The following DLG2 variants were observed in gnomAD, a reference collection of about 807,000 sequenced individuals.
DLG2 encodes discs large MAGUK scaffold protein 2, also known as disks large homolog 2.
DLG2 carries 45 observed loss-of-function variants against 132.5 expected under a neutral mutation model. The ratio of observed to expected loss-of-function variants is 0.34; its 90% CI spans 0.27 to 0.44. DLG2 has a LOEUF of 0.44. DLG2 is among the 20% of genes least tolerant of loss of function. DLG2 has a pLI of 1.00. For synonymous variants in DLG2, 424 were observed against 419.6 expected (o/e 1.01, Z -0.13); for missense variants, 1,045 against 1,196.9 (o/e 0.87, Z 1.87).
intron 4 of DLG2, among the ~76,000 whole-genome samples, chr11:85,158,457 G>A (rs2077758389): frequency 1.3e-5 from 2 of 152,190 alleles, no homozygotes; most frequent in Admixed American, 1.3e-4. Context: ...GGATGGTGGA[G>A]TGGATTAGTC....
chr11:84,028,302 G>T lies in DLG2; in HGVS notation c.919+31013C>A, dbSNP rs914108334. ...GTCCTTCATGTGATCTCATATTCATGAATTAATAATCCTCTCAAAGTTATG... is the reference window on the plus strand; with the variant it reads ...GTCCTTCATGTGATCTCATATTCATTAATTAATAATCCTCTCAAAGTTATG... On this transcript the variant is annotated intron_variant, in intron 11 of 27. Coordinates refer to ENST00000376104, the MANE Select transcript of DLG2 (RefSeq NM_001142699.3). 8.6e-5 allele frequency among the ~76,000 whole-genome samples: 13 copies of T among 151,988 alleles called. 1 individual carries two copies. Among genetic ancestry groups the T allele is most frequent in the Admixed American group, 7.9e-4 (12 of 15,216 alleles).
At chr11:83,645,352 GTTGAAGCAATTTATACACTTTAACAA>G (rs1016929089) in intron 18 of DLG2, among the ~76,000 whole-genome samples, 7 of 152,236 alleles carry the variant, frequency 4.6e-5, no homozygotes, top group South Asian at 2.1e-4. Context: ...ATCTTTAACA[GTTGAAGCAATTTATACACTTTAACAA>G]TTGAAGCAAT....
intron 7 of DLG2, among the ~76,000 whole-genome samples, chr11:84,418,098 C>T (rs548958170): frequency 7.4e-4 from 113 of 152,202 alleles, no homozygotes; most frequent in South Asian, 1.7e-3. Context: ...CCATTTAGAG[C>T]GTAGTGATTG....
chr11:85,343,687 C>T (rs976559707), intron 3 of DLG2, among the ~76,000 whole-genome samples: 1 of 152,034 alleles, frequency 6.6e-6, no homozygotes. Flanking sequence ...CACATATACA[C>T]ACTAGAACAT....
chr11:85,434,288 C>A (rs959985748), intron 3 of DLG2, among the ~76,000 whole-genome samples: 4 of 151,452 alleles, frequency 2.6e-5, no homozygotes, highest in Admixed American at 2.0e-4. Context: ...CAAACAAATT[C>A]GAAAGCTAGC....
intron 6 of DLG2, among the ~76,000 whole-genome samples, chr11:84,603,786 A>G (rs1461733790): frequency 6.6e-6 from 1 of 151,976 alleles, no homozygotes; most frequent in Non-Finnish European, 1.5e-5. Context: ...AACACCTACT[A>G]TCTGCCAGAC....
intron 6 of DLG2, among the ~76,000 whole-genome samples, chr11:84,947,235 G>T (rs2050332105): frequency 6.6e-6 from 1 of 152,126 alleles, no homozygotes; most frequent in Non-Finnish European, 1.5e-5. Flanking sequence ...ATTCTTGTGT[G>T]GATAGTTGGT....
At chr11:84,282,834 A>G (rs908799180) in intron 7 of DLG2, among the ~76,000 whole-genome samples, 4 of 152,156 alleles carry the variant, frequency 2.6e-5, no homozygotes, top group South Asian at 2.1e-4. Flanking sequence ...ACATGCTTCA[A>G]TGACTCAATT....
intron 7 of DLG2, among the ~76,000 whole-genome samples, chr11:84,455,050 A>G (rs2099061740): frequency 6.6e-6 from 1 of 151,496 alleles, no homozygotes; most frequent in Non-Finnish European, 1.5e-5. Flanking sequence ...AAAAAGGTGG[A>G]ATAAAAAATG....
chr11:85,432,178 C>A (rs572755636), intron 3 of DLG2, among the ~76,000 whole-genome samples: 8 of 152,322 alleles, frequency 5.3e-5, no homozygotes, highest in Admixed American at 4.6e-4. Context: ...GGATCAGCAG[C>A]CTCAAAGATC....
At chr11:83,720,839 G>C (rs1017122976) in intron 18 of DLG2, 17 of 148,380 alleles carry the variant, frequency 1.1e-4, no homozygotes, top group African/African-American at 4.3e-4. Flanking sequence ...GGTCTGAATA[G>C]CCCTTGTGAA....
intron 4 of DLG2, among the ~76,000 whole-genome samples, chr11:85,159,688 G>T (rs1378272221): frequency 6.6e-6 from 1 of 152,190 alleles, no homozygotes; most frequent in African/African-American, 2.4e-5. Context: ...CCTGGTACCT[G>T]CTATGCAGCC....
chr11:84,539,703 G>T (rs779352442), intron 6 of DLG2, among the ~76,000 whole-genome samples: 4 of 152,132 alleles, frequency 2.6e-5, no homozygotes, highest in African/African-American at 7.2e-5. Context: ...AGCATGGAAG[G>T]TACGTTAAAG....
chr11:84,918,854 G>C (rs1261684193), intron 6 of DLG2, among the ~76,000 whole-genome samples: 1 of 152,116 alleles, frequency 6.6e-6, no homozygotes, highest in Non-Finnish European at 1.5e-5. Flanking sequence ...AAAAGAAGCT[G>C]AGTGAATAAA....
intron 6 of DLG2, among the ~76,000 whole-genome samples, chr11:84,919,057 A>C (rs1201620108): frequency 6.6e-6 from 1 of 152,178 alleles, no homozygotes. Context: ...AGGAAATATT[A>C]TACCTAAATG....
Position 84,967,531 on chromosome 11 carries a change from A to G in DLG2, c.357+144130T>C, listed in dbSNP as rs182100555. 2.7e-3 allele frequency among the ~76,000 whole-genome samples: 404 copies of G among 152,250 alleles called. 9 individuals are homozygous for G. Among genetic ancestry groups the G allele is most frequent in the Non-Finnish European group, 3.8e-4 (26 of 68,006 alleles). On this transcript the variant is annotated intron_variant, in intron 6 of 27. Transcript: ENST00000376104. ...TGGCAGATAGAAAATGTGTTGATGT[A>G]TTGTGATTTAATTTCAATTTTGTTT...
chr11:84,843,753 A>T (rs976935574), intron 6 of DLG2, among the ~76,000 whole-genome samples: 1 of 151,852 alleles, frequency 6.6e-6, no homozygotes, highest in African/African-American at 2.4e-5. Context: ...ATGACAAGAA[A>T]AAAAGTCTAT....
intron 6 of DLG2, among the ~76,000 whole-genome samples, chr11:84,814,930 T>C (rs1314725184): frequency 2.0e-5 from 3 of 152,108 alleles, no homozygotes; most frequent in Non-Finnish European, 2.9e-5. Flanking sequence ...ATTTAACATA[T>C]AGATGCTTTG....
At chr11:83,526,241 T>G (rs2095606619) in intron 21 of DLG2, among the ~76,000 whole-genome samples, 1 of 152,214 alleles carries the variant, frequency 6.6e-6, no homozygotes, top group South Asian at 2.1e-4. Context: ...CTCTCTGATC[T>G]CTTTAGAAAT....
Sources: allele counts gnomAD v4.1 joint callset (sites outside exome capture counted in the v4.1 genomes callset), GRCh38; gene constraint gnomAD v4.1.1; transcripts MANE v1.5; gene names NCBI Gene and HGNC (gene_info 2026-07-23, HGNC 2026-07-21).